Variants in OSBPL10 observed in about 807,000 individuals in gnomAD.
The protein encoded by OSBPL10 is oxysterol-binding protein-related protein 10.
OSBPL10 carries 49 observed loss-of-function variants against 81.7 expected under a neutral mutation model. The ratio of observed to expected loss-of-function variants is 0.60; its 90% confidence interval spans 0.48 to 0.76. OSBPL10 has a LOEUF of 0.76. Among genes scored for constraint, OSBPL10 ranks in the 30% least tolerant of loss-of-function variants. The pLI, the probability that OSBPL10 is intolerant of heterozygous loss-of-function variation, is 0.00. For missense variants in OSBPL10, 923 were observed against 987.8 expected (o/e 0.93, Z 0.88); for synonymous variants, 419 against 383.6 (o/e 1.09, Z -1.08).
In OSBPL10 at chr3:31,936,548, G is replaced by A. The variant is rs143189480; in HGVS notation, c.281+44351C>T. 7.1e-3 allele frequency among the ~76,000 whole-genome samples: 1,076 copies of A among 152,184 alleles called. 5 individuals carry two copies. The highest frequency in any genetic ancestry group is 0.012 in the Non-Finnish European group (820 of 68,010). ...TCACTTCTTTTAATCCACTTCAATG[G>A]TGAAAAGAAAAAGTAAATTACATTT... is the stretch of plus-strand genomic sequence containing the variant. On this transcript the variant is annotated intron_variant, in intron 1 of 11. Coordinates refer to ENST00000396556, the MANE Select transcript of OSBPL10 (RefSeq NM_017784.5).
At chr3:31,864,639 G>A (rs768775936) in intron 3 of OSBPL10, among the ~76,000 whole-genome samples, 5 of 152,120 alleles carry the variant, frequency 3.3e-5, no homozygotes, top group Non-Finnish European at 5.9e-5. Context: ...ACAAAGGCAA[G>A]GAAGCATGGA....
intron 4 of OSBPL10, among the ~76,000 whole-genome samples, chr3:31,784,577 A>G (rs971281289): frequency 1.3e-5 from 2 of 152,112 alleles, no homozygotes; most frequent in African/African-American, 4.8e-5. Flanking sequence ...ACAATAGCAA[A>G]AATGGGTTTG....
chr3:31,867,464 G>C (rs1361385114), intron 3 of OSBPL10, among the ~76,000 whole-genome samples: 9 of 152,076 alleles, frequency 5.9e-5, no homozygotes, highest in Admixed American at 3.9e-4. Flanking sequence ...GACACAGGCG[G>C]GACACGGTGG....
Position 31,858,056 on chromosome 3 carries a change from C to T in OSBPL10, c.537+18377G>A, listed in dbSNP as rs59058965. Among the ~76,000 whole-genome samples, 371 of 150,490 alleles carry T rather than the reference C, an allele frequency of 2.5e-3. 1 individual carries two copies. The highest frequency in any genetic ancestry group is 8.8e-3 in the African/African-American group (361 of 40,926). On this transcript the variant is annotated intron_variant, in intron 3 of 11. Coordinates refer to ENST00000396556, the MANE Select transcript of OSBPL10 (RefSeq NM_017784.5). The stretch of plus-strand genomic sequence containing the variant: ...TATTGCCCAGACTGGAGTGCAGGGG[C>T]GTAATCATGGCTCACTGCAGCCTTG...
intron 7 of OSBPL10, among the ~76,000 whole-genome samples, chr3:31,695,381 T>C (rs1328202406): frequency 2.0e-5 from 3 of 152,142 alleles, no homozygotes; most frequent in Non-Finnish European, 4.4e-5. Context: ...TATTGCCCCA[T>C]ATGTCCCATT....
chr3:32,040,201 G>A (rs9837093), intron 2 of OSBPL10, among the ~76,000 whole-genome samples: 3,167 of 152,256 alleles, frequency 0.021, 110 homozygotes, highest in African/African-American at 0.069. Flanking sequence ...GAGGTCAAGA[G>A]TTCGAGACCA....
rs553236485 is a variant in OSBPL10 at position 32,020,004 on chromosome 3, C to T, written n.298+26487G>A. Among the ~76,000 whole-genome samples, 5 of 152,320 alleles carry T rather than the reference C, an allele frequency of 3.3e-5. No individual in the cohort carries two copies. In the South Asian group the frequency reaches 6.2e-4, roughly 19 times the overall value. On this transcript the variant is annotated intron_variant and non_coding_transcript_variant, in intron 2 of 3. Transcript: ENST00000479173. The stretch of plus-strand genomic sequence containing the variant: ...GGGATTTCTCTCCCAGTTCCACTCA[C>T]AGTGCTCTGTAGAAGCCGAGTCAAT...
At chr3:31,773,276 C>T (rs1173326491) in intron 4 of OSBPL10, among the ~76,000 whole-genome samples, 3 of 152,140 alleles carry the variant, frequency 2.0e-5, no homozygotes, top group Admixed American at 6.6e-5. Context: ...ATAACTCACA[C>T]GAGCATATCT....
intron 1 of OSBPL10, among the ~76,000 whole-genome samples, chr3:31,934,684 T>C (rs1201429228): frequency 3.0e-5 from 4 of 135,434 alleles, no homozygotes; most frequent in Non-Finnish European, 6.5e-5. Context: ...AATTCATTTT[T>C]ATAGAAAAAA....
intron 3 of OSBPL10, among the ~76,000 whole-genome samples, chr3:31,858,929 C>A (rs539110283): frequency 9.8e-4 from 150 of 152,302 alleles, no homozygotes; most frequent in African/African-American, 3.4e-3. Flanking sequence ...ACCAAGTTAT[C>A]CATCAACAGA....
chr3:31,922,770 G>C (rs978374056), intron 1 of OSBPL10, among the ~76,000 whole-genome samples: 1 of 152,014 alleles, frequency 6.6e-6, no homozygotes, highest in Non-Finnish European at 1.5e-5. Flanking sequence ...CTGTTCCCCC[G>C]GCTGGCTTCT....
Position 31,830,134 on chromosome 3 carries a change from G to A in OSBPL10, c.635C>T (p.Ala212Val), listed in dbSNP as rs201546079. ...ATGCGTGATTGTGACAACACCGGGGGCCCCCACACTGAGGTGTCTCTGGCT... is the reference window on the plus strand; with the variant it reads ...ATGCGTGATTGTGACAACACCGGGGACCCCCACACTGAGGTGTCTCTGGCT... ...PCSQRHLSVG[A>V]PGVVTITHHK... is the part of the protein sequence containing the mutation. The change falls in exon 4 of 12, where the codon GCC (alanine) becomes GTC (valine). Residue 212 changes from alanine to valine, a missense_variant. By Grantham distance (64) the Ala-to-Val change is moderately conservative. Around this residue, in one of 3 missense-constraint regions of OSBPL10, gnomAD observed 514 missense variants for 508.0 expected, o/e 1.01. Coordinates refer to ENST00000396556, the MANE Select transcript of OSBPL10 (RefSeq NM_017784.5). The A allele has an allele frequency of 6.2e-7, 1 of 1,614,096 alleles. No individual in the cohort carries two copies. Among genetic ancestry groups the A allele is most frequent in the Non-Finnish European group, 8.5e-7 (1 of 1,179,994 alleles).
At chr3:31,882,013 C>G (rs1385799902) in intron 1 of OSBPL10, among the ~76,000 whole-genome samples, 1 of 152,220 alleles carries the variant, frequency 6.6e-6, no homozygotes, top group Non-Finnish European at 1.5e-5. Context: ...TTCTCCATAT[C>G]ACTTCTCCAG....
chr3:31,702,963 G>A (rs889532658), intron 6 of OSBPL10, among the ~76,000 whole-genome samples: 4 of 152,110 alleles, frequency 2.6e-5, no homozygotes, highest in African/African-American at 7.2e-5. Context: ...ATGGAAAAAC[G>A]TGCTCTAAGA....
At chr3:31,662,614 TG>T (rs1700095256) in intron 11 of OSBPL10, 1 of 995,366 alleles carries the variant, frequency 1.0e-6, no homozygotes, top group South Asian at 4.6e-5. Flanking sequence ...AGAATTAAAA[TG>T]GTATTAATAC....
At chr3:31,795,476 T>C (rs74517626) in intron 4 of OSBPL10, 448 of 176,922 alleles carry the variant, frequency 2.5e-3, no homozygotes, top group African/African-American at 9.9e-3. Flanking sequence ...CTCACTCACT[T>C]GTTCCACCAG....
intron 2 of OSBPL10, chr3:31,989,774 G>A: frequency 6.2e-7 from 1 of 1,614,160 alleles, no homozygotes; most frequent in Non-Finnish European, 8.5e-7. Flanking sequence ...TCTTTCCAAT[G>A]TAATGAGAGT....
At chr3:31,799,127 A>G (rs1227829992) in intron 4 of OSBPL10, among the ~76,000 whole-genome samples, 1 of 152,160 alleles carries the variant, frequency 6.6e-6, no homozygotes, top group Non-Finnish European at 1.5e-5. Context: ...GGTCTTTTAC[A>G]CATAAGACCC....
intron 1 of OSBPL10, among the ~76,000 whole-genome samples, chr3:31,963,496 GCA>G (rs1698227099): frequency 6.6e-6 from 1 of 152,082 alleles, no homozygotes; most frequent in South Asian, 2.1e-4. Context: ...CAGGAGTGAT[GCA>G]CAGATTCTAA....
Sources: gnomAD v4.1 joint callset for allele counts (sites outside exome capture counted in the v4.1 genomes callset) on GRCh38, gnomAD v4.1.1 for gene constraint, gnomAD v4.1.1 regional missense constraint, MANE v1.5 for transcripts, NCBI Gene and HGNC (gene_info 2026-07-23, HGNC 2026-07-21) for gene names.